Variants in GLG1 observed in about 807,000 individuals in gnomAD.
GLG1 encodes Golgi apparatus protein 1.
A neutral mutation model predicts 160.5 loss-of-function variants in GLG1; 38 were observed. That is an observed-to-expected ratio of 0.24 (90% CI 0.18 to 0.31). The LOEUF is 0.31. Among genes scored for constraint, GLG1 ranks in the 10% least tolerant of loss-of-function variants. GLG1 has a pLI of 1.00. For missense variants in GLG1, 1,373 were observed against 1,505.2 expected (o/e 0.91, Z 1.45); for synonymous variants, 644 against 543.4 (o/e 1.19, Z -2.57).
chr16:74,533,780 C>CA (rs958139825), intron 1 of GLG1, among the ~76,000 whole-genome samples: 91 of 150,034 alleles, frequency 6.1e-4, no homozygotes, highest in African/African-American at 1.0e-3. Flanking sequence ...GATTCCATCT[C>CA]AAAAAAAAAG....
intron 2 of GLG1, among the ~76,000 whole-genome samples, chr16:74,516,023 C>T (rs2016967044): frequency 6.6e-6 from 1 of 151,624 alleles, no homozygotes; most frequent in African/African-American, 2.4e-5. Flanking sequence ...AACATATATG[C>T]ACCCAATACA....
Position 74,463,350 on chromosome 16 carries a change from T to C in GLG1, c.2791+6A>G. On this transcript the variant is annotated splice_donor_region_variant and intron_variant, in intron 20 of 25. Transcript: ENST00000422840. ...CGGGGCCAGGAGAGCCAAGCCAAGATCTTACCTGTGTTCTGGGTGATCTGG... is the reference window on the plus strand; with the variant it reads ...CGGGGCCAGGAGAGCCAAGCCAAGACCTTACCTGTGTTCTGGGTGATCTGG... The C allele has an allele frequency of 6.2e-7, 1 of 1,614,004 alleles. No individual in the cohort carries two copies. Among genetic ancestry groups the C allele is most frequent in the East Asian group, 2.2e-5 (1 of 44,880 alleles).
chr16:74,457,468 T>C (rs2014602113), intron 24 of GLG1, among the ~76,000 whole-genome samples: 1 of 152,124 alleles, frequency 6.6e-6, no homozygotes, highest in Non-Finnish European at 1.5e-5. Flanking sequence ...CAAAAAGAAC[T>C]CTCACACTTG....
Position 74,561,653 on chromosome 16 carries a change from T to C in GLG1, c.439-29500A>G, listed in dbSNP as rs189194756. Among the ~76,000 whole-genome samples, 20 of 152,326 alleles carry C rather than the reference T, an allele frequency of 1.3e-4. 1 individual carries two copies. Among genetic ancestry groups the C allele is most frequent in the Admixed American group, 1.2e-3 (18 of 15,290 alleles). ...AGATATGCAACTTGAATGAACTCTATGTTCCAAGTCAAATTACCTATGATA... is the reference window on the plus strand; with the variant it reads ...AGATATGCAACTTGAATGAACTCTACGTTCCAAGTCAAATTACCTATGATA... On this transcript the variant is annotated intron_variant, in intron 1 of 25. Coordinates refer to ENST00000422840, the MANE Select transcript of GLG1 (RefSeq NM_001145667.2).
At chr16:74,551,263 C>T (rs2018190376) in intron 1 of GLG1, among the ~76,000 whole-genome samples, 1 of 152,178 alleles carries the variant, frequency 6.6e-6, no homozygotes, top group Admixed American at 6.5e-5. Context: ...GTTTTATGAA[C>T]TGCTTCATAT....
intron 1 of GLG1, among the ~76,000 whole-genome samples, chr16:74,555,983 G>C (rs2018341917): frequency 6.6e-6 from 1 of 152,028 alleles, no homozygotes; most frequent in Admixed American, 6.6e-5. Flanking sequence ...GGGACTACAG[G>C]CACATGCCAT....
In GLG1 at chr16:74,464,865, C is replaced by A. The variant is rs564503956; in HGVS notation, c.2667+811G>T. Among the ~76,000 whole-genome samples, 3 of 151,946 alleles carry A rather than the reference C, an allele frequency of 2.0e-5. No homozygotes were observed. In the East Asian group the frequency reaches 5.8e-4, roughly 29 times the overall value. ...AAAATTTTTTTTTTCTTTTTTGAGA[C>A]AGAGTCTTACTCTGTCGCTCAGGCT... is the stretch of plus-strand genomic sequence containing the variant. On this transcript the variant is annotated intron_variant, in intron 19 of 25. Transcript: ENST00000422840.
rs961585566 is a variant in GLG1, at chr16:74,462,754, A to G, written c.2792-124T>C. On this transcript the variant is annotated intron_variant, in intron 20 of 25. Transcript: ENST00000422840. ...CATGACTACAACCATGGATTTATCT[A>G]TTCAATAAACATTTACTGAGCTCTC... 9.2e-6 allele frequency: 8 copies of G among 873,034 alleles called. No homozygotes were observed. In the African/African-American group the frequency reaches 1.4e-4, roughly 15 times the overall value. The allele number at this position is 873,034 out of a possible 1,614,324, so 54.1% of individuals were successfully genotyped here.
At chr16:74,479,692 C>T (rs947796759) in intron 11 of GLG1, among the ~76,000 whole-genome samples, 2 of 152,144 alleles carry the variant, frequency 1.3e-5, no homozygotes, top group African/African-American at 2.4e-5. Context: ...AGAAAGCCAT[C>T]GTGGAGAACA....
In GLG1 at chr16:74,463,489, A is replaced by C. The variant is rs1456881569; in HGVS notation, c.2668-10T>G. On this transcript the variant is annotated splice_polypyrimidine_tract_variant and intron_variant, in intron 19 of 25. Transcript: ENST00000422840. ...CTTCCGGACAGAACCTCTGCAAAGA[A>C]ACAGTTTGATAAAAACAGCTATCTA... The C allele has an allele frequency of 1.2e-6, 2 of 1,613,456 alleles. No homozygotes were observed. Among genetic ancestry groups the C allele is most frequent in the African/African-American group, 2.7e-5 (2 of 74,898 alleles).
chr16:74,469,919 G>T, intron 16 of GLG1, 66 bp downstream of exon 16: 1 of 1,005,576 alleles, frequency 9.9e-7, no homozygotes, highest in Non-Finnish European at 1.6e-6. Flanking sequence ...CTAACATCTC[G>T]CATACTCATT....
At chr16:74,598,260 G>T (rs973076188) in intron 1 of GLG1, among the ~76,000 whole-genome samples, 1 of 152,016 alleles carries the variant, frequency 6.6e-6, no homozygotes, top group African/African-American at 2.4e-5. Context: ...GGTGGCTCAC[G>T]CCTGTAATCC....
chr16:74,547,507 T>C (rs2018081295), intron 1 of GLG1, among the ~76,000 whole-genome samples: 1 of 152,238 alleles, frequency 6.6e-6, no homozygotes. Flanking sequence ...TAGCATTCTT[T>C]TGGAATAGTG....
At chr16:74,533,392 G>A (rs1378472461) in intron 1 of GLG1, among the ~76,000 whole-genome samples, 4 of 152,220 alleles carry the variant, frequency 2.6e-5, no homozygotes, top group East Asian at 1.9e-4. Flanking sequence ...TAGGTTTCAC[G>A]TAGTATTACA....
At chr16:74,457,197 C>CT (rs1455348056) in intron 24 of GLG1, among the ~76,000 whole-genome samples, 3 of 152,170 alleles carry the variant, frequency 2.0e-5, no homozygotes, top group Non-Finnish European at 4.4e-5. Context: ...GAGTTTGAGA[C>CT]TAGCCTGGCC....
At chr16:74,564,948 C>G (rs2018609811) in intron 1 of GLG1, among the ~76,000 whole-genome samples, 1 of 152,176 alleles carries the variant, frequency 6.6e-6, no homozygotes, top group African/African-American at 2.4e-5. Context: ...CCCCACCTTG[C>G]AAAAGCCAGT....
At chr16:74,606,457 T>C (rs1362186010) in intron 1 of GLG1, among the ~76,000 whole-genome samples, 200 bp downstream of exon 1, 2 of 151,784 alleles carry the variant, frequency 1.3e-5, no homozygotes, top group East Asian at 1.9e-4. Flanking sequence ...GGGAGGGAAA[T>C]AAGGGCGGGG....
At chr16:74,604,514 T>C (rs1958519352) in intron 1 of GLG1, among the ~76,000 whole-genome samples, 1 of 152,194 alleles carries the variant, frequency 6.6e-6, no homozygotes, top group South Asian at 2.1e-4. Flanking sequence ...ATTCCAATAA[T>C]GGGTACGGAT....
chr16:74,480,912 A>T (rs2015575232), intron 10 of GLG1, among the ~76,000 whole-genome samples: 1 of 152,202 alleles, frequency 6.6e-6, no homozygotes, highest in African/African-American at 2.4e-5. Context: ...AGGCAGGAGA[A>T]TAACTTTCTA....
Sources: allele counts gnomAD v4.1 joint callset (sites outside exome capture counted in the v4.1 genomes callset), GRCh38; gene constraint gnomAD v4.1.1; transcripts MANE v1.5; gene names NCBI Gene and HGNC (gene_info 2026-07-23, HGNC 2026-07-21).